The following DHX9 variants were observed in gnomAD, a reference collection of about 807,000 sequenced individuals.
The protein encoded by DHX9 is ATP-dependent RNA helicase A.
DHX9 carries 27 observed loss-of-function variants against 148.7 expected under a neutral mutation model. The ratio of observed to expected loss-of-function variants is 0.18; its 90% CI spans 0.13 to 0.25. DHX9 has a LOEUF of 0.25. Among genes scored for constraint, DHX9 ranks in the 10% least tolerant of loss-of-function variants. The pLI, the probability that DHX9 is intolerant of heterozygous loss-of-function variation, is 1.00. For synonymous variants in DHX9, 529 were observed against 516.6 expected (o/e 1.02, Z -0.33); for missense variants, 796 against 1,559.6 (o/e 0.51, Z 8.25).
At chr1:182,878,476 C>T (rs1648925117) in intron 20 of DHX9, among the ~76,000 whole-genome samples, 1 of 152,166 alleles carries the variant, frequency 6.6e-6, no homozygotes, top group African/African-American at 2.4e-5. Context: ...CTTAACCTCT[C>T]TTGTTTCCTC....
chr1:182,887,803 C>T lies in DHX9; in HGVS notation c.*369C>T, dbSNP rs1340229277. On this transcript the variant is annotated 3_prime_UTR_variant, in exon 28 of 28. Transcript: ENST00000367549. The stretch of plus-strand genomic sequence containing the variant: ...TCGTATGTTAGAAAATTTTACAATG[C>T]CAGCTACATCTGTTGATTTTAAATG... 3.1e-5 allele frequency: 6 copies of T among 196,366 alleles called. No homozygotes were observed. In the Admixed American group the frequency reaches 3.2e-4, roughly 10 times the overall value. The allele number at this position is 196,366 out of a possible 1,614,324, so 12.2% of individuals were successfully genotyped here.
chr1:182,843,005 T>C (rs1406287312), intron 2 of DHX9, among the ~76,000 whole-genome samples: 2 of 152,232 alleles, frequency 1.3e-5, no homozygotes, highest in African/African-American at 2.4e-5. Context: ...ATCAAAGTGC[T>C]TAAATACAAA....
chr1:182,876,596 A>G, intron 18 of DHX9, 55 bp downstream of exon 18: 1 of 1,494,246 alleles, frequency 6.7e-7, no homozygotes, highest in South Asian at 1.2e-5. Context: ...TACTAAACAA[A>G]TGTTACAGGC....
intron 14 of DHX9, among the ~76,000 whole-genome samples, chr1:182,868,842 C>G (rs1449070161): frequency 6.6e-6 from 1 of 152,074 alleles, no homozygotes; most frequent in Non-Finnish European, 1.5e-5. Context: ...TCAGTTTTGT[C>G]AAAACTAAGC....
intron 24 of DHX9, among the ~76,000 whole-genome samples, chr1:182,882,859 G>A (rs1195542048): frequency 7.1e-6 from 1 of 140,230 alleles, no homozygotes. Context: ...AGCGAGACTC[G>A]TCTCAAAAAA....
intron 27 of DHX9, among the ~76,000 whole-genome samples, chr1:182,886,259 C>T (rs940241567): frequency 1.3e-5 from 2 of 151,122 alleles, no homozygotes; most frequent in Non-Finnish European, 2.9e-5. Context: ...GCAGTGGTGC[C>T]ATCTTGGCTC....
Position 182,857,687 on chromosome 1 carries a change from T to C in DHX9, c.674-417T>C, listed in dbSNP as rs189981731. Among the ~76,000 whole-genome samples, 185 of 152,364 alleles carry C rather than the reference T, an allele frequency of 1.2e-3. 1 individual carries two copies. Among genetic ancestry groups the C allele is most frequent in the African/African-American group, 3.5e-3 (144 of 41,592 alleles). ...CTGCAAAGCCTAAAATATTTATTAA[T>C]TGACCGTTTATAGAAAAAGTTTCCC... On this transcript the variant is annotated intron_variant, in intron 7 of 27. Coordinates refer to ENST00000367549, the MANE Select transcript of DHX9 (RefSeq NM_001357.5).
At chr1:182,850,594 C>CAAA (rs369880071) in intron 3 of DHX9, among the ~76,000 whole-genome samples, 2 of 72,338 alleles carry the variant, frequency 2.8e-5, no homozygotes. Context: ...GACCCTGTCT[C>CAAA]AAAAAAAAAA....
At chr1:182,864,661 A>G (rs1212190018) in intron 12 of DHX9, among the ~76,000 whole-genome samples, 1 of 152,248 alleles carries the variant, frequency 6.6e-6, no homozygotes, top group Non-Finnish European at 1.5e-5. Context: ...CATATAAAAT[A>G]TGGGAAAGAG....
In DHX9 at chr1:182,881,658, T is replaced by C; in HGVS notation, c.2914+11T>C. On this transcript the variant is annotated intron_variant, in intron 24 of 27. Coordinates refer to ENST00000367549, the MANE Select transcript of DHX9 (RefSeq NM_001357.5). ...CTGGGTTTCCAGAAGGTAAGACTTC[T>C]TCCATTCTTAAGATATCTTTAAAGT... 6.3e-7 allele frequency: 1 copy of C among 1,584,592 alleles called. No homozygotes were observed. Among genetic ancestry groups the C allele is most frequent in the Non-Finnish European group, 8.5e-7 (1 of 1,171,016 alleles).
chr1:182,845,969 C>T (rs1557963414), intron 3 of DHX9, among the ~76,000 whole-genome samples: 1 of 152,030 alleles, frequency 6.6e-6, no homozygotes, highest in Non-Finnish European at 1.5e-5. Flanking sequence ...TTTATGGAAA[C>T]TTCATTATTC....
chr1:182,860,134 G>A lies in DHX9; in HGVS notation c.1282G>A (p.Asp428Asn), dbSNP rs1357041306. Residue 428 changes from aspartate to asparagine, a missense_variant, in exon 12 of 28, where the codon GAC (aspartate) becomes AAC (asparagine). By Grantham distance (23) the Asp-to-Asn change is conservative. Coordinates refer to ENST00000367549, the MANE Select transcript of DHX9 (RefSeq NM_001357.5). ...TTQVPQFILD[D>N]FIQNDRAAEC... ...ACAGGTTCCCCAGTTCATTCTAGAT[G>A]ACTTTATCCAGAATGACCGAGCAGC... 1 of 1,613,322 alleles carries A rather than the reference G, an allele frequency of 6.2e-7. No homozygotes were observed. The highest frequency in any genetic ancestry group is 1.7e-5 in the Admixed American group (1 of 59,842).
At chr1:182,853,822 A>G (rs1280397706) in intron 5 of DHX9, among the ~76,000 whole-genome samples, 6 of 152,110 alleles carry the variant, frequency 3.9e-5, no homozygotes, top group Admixed American at 3.3e-4. Flanking sequence ...ATTTAAATGC[A>G]ATGTATTAAC....
chr1:182,868,609 G>A, intron 14 of DHX9, among the ~76,000 whole-genome samples: 1 of 146,670 alleles, frequency 6.8e-6, no homozygotes, highest in East Asian at 2.0e-4. Flanking sequence ...CTGCCTCCCG[G>A]GTTTAAGCCA....
In DHX9 at chr1:182,882,852, G is replaced by C. The variant is rs58885374; in HGVS notation, c.2915-287G>C. 4.2e-3 allele frequency among the ~76,000 whole-genome samples: 620 copies of C among 147,344 alleles called. 2 individuals are homozygous for C. Among genetic ancestry groups the C allele is most frequent in the African/African-American group, 0.015 (607 of 39,464 alleles). On this transcript the variant is annotated intron_variant, in intron 24 of 27. Coordinates refer to ENST00000367549, the MANE Select transcript of DHX9 (RefSeq NM_001357.5). Reference sequence around the variant, plus strand: ...TGCACTCCAGCCTGGGCGACAGAGCGAGACTCGTCTCAAAAAAAAAAAAAA... The same window carrying C: ...TGCACTCCAGCCTGGGCGACAGAGCCAGACTCGTCTCAAAAAAAAAAAAAA...
At chr1:182,854,718 T>TCC in intron 6 of DHX9, among the ~76,000 whole-genome samples, 1 of 152,302 alleles carries the variant, frequency 6.6e-6, no homozygotes, top group South Asian at 2.1e-4. Flanking sequence ...GCCTTGGTCT[T>TCC]TGTATGTGGG....
chr1:182,847,886 A>G (rs1373292888), intron 3 of DHX9, among the ~76,000 whole-genome samples: 3 of 151,918 alleles, frequency 2.0e-5, no homozygotes, highest in Non-Finnish European at 2.9e-5. Context: ...TTTTCCCCCT[A>G]AAGTTTATTT....
At chr1:182,857,672 T>C (rs1462105700) in intron 7 of DHX9, among the ~76,000 whole-genome samples, 1 of 152,242 alleles carries the variant, frequency 6.6e-6, no homozygotes, top group Non-Finnish European at 1.5e-5. Flanking sequence ...CTGCAAAGCC[T>C]AAAATATTTA....
In DHX9 at chr1:182,887,281, A is replaced by T; in HGVS notation, c.3660A>T (p.Gly1220=). Residue 1220 remains glycine, a synonymous_variant, in exon 28 of 28, where the codon GGA becomes GGT. Coordinates refer to ENST00000367549, the MANE Select transcript of DHX9 (RefSeq NM_001357.5). The part of the protein sequence containing the change: ...YGAGVGGGYR[G]VSRGGFRGNS... ...CAGGTGTTGGTGGAGGCTATAGAGG[A>T]GTTTCCCGAGGTGGCTTTAGAGGCA... The T allele has an allele frequency of 5.6e-6, 9 of 1,613,926 alleles. No individual in the cohort carries two copies. Among genetic ancestry groups the T allele is most frequent in the Non-Finnish European group, 7.6e-6 (9 of 1,179,996 alleles).
Sources: allele counts gnomAD v4.1 joint callset (sites outside exome capture counted in the v4.1 genomes callset), GRCh38; gene constraint gnomAD v4.1.1; transcripts MANE v1.5; gene names NCBI Gene and HGNC (gene_info 2026-07-23, HGNC 2026-07-21).